TSC2: variants seen among roughly 807,000 people sequenced by gnomAD.
The protein encoded by TSC2 is TSC complex subunit 2, also known as tuberin.
A neutral mutation model predicts 202.2 loss-of-function variants in TSC2; 29 were observed. That is an observed-to-expected ratio of 0.14 (90% confidence interval 0.11 to 0.20). TSC2 has a LOEUF of 0.20. TSC2 is among the 10% of genes least tolerant of loss of function. The pLI, the probability that TSC2 is intolerant of heterozygous loss-of-function variation, is 1.00. For missense variants in TSC2, 2,429 were observed against 2,420.0 expected (o/e 1.00, Z -0.08); for synonymous variants, 1,349 against 1,044.0 (o/e 1.29, Z -5.63).
At chr16:2,054,022 A>T (rs986541832) in intron 4 of TSC2, 1 of 535,694 alleles carries the variant, frequency 1.9e-6, no homozygotes, top group African/African-American at 1.9e-5. Context: ...GGGGTCGGGC[A>T]GGAGCTGTGT....
chr16:2,062,106 G>C, intron 12 of TSC2, 98 bp downstream of exon 12: 1 of 1,548,622 alleles, frequency 6.5e-7, no homozygotes, highest in East Asian at 2.3e-5. Context: ...GAAGCCAAGG[G>C]CCAGGTGGGC....
chr16:2,083,676 C>T lies in TSC2; in HGVS notation c.3884-19C>T. 1 of 1,568,726 alleles carries T rather than the reference C, an allele frequency of 6.4e-7. No individual in the cohort carries two copies. The highest frequency in any genetic ancestry group is 1.3e-5 in the African/African-American group (1 of 74,330). ...CTGGCCCAGCCCCACATCCAGCAGC[C>T]CCGTCTGTGTCCTCCCAGACTCCGC... On this transcript the variant is annotated intron_variant, in intron 32 of 41. Transcript: ENST00000219476.
intron 11 of TSC2, 191 bp from the exon 12 acceptor site, chr16:2,061,680 G>C: frequency 1.1e-6 from 1 of 896,854 alleles, no homozygotes. Context: ...CCCTGGAGAG[G>C]ATCTGGGGGT....
chr16:2,054,770 C>A, intron 5 of TSC2: 1 of 436,254 alleles, frequency 2.3e-6, no homozygotes. Flanking sequence ...CCGGAGCGTA[C>A]TGGTCCCGTC....
chr16:2,050,563 T>C, intron 3 of TSC2, 77 bp downstream of exon 3: 1 of 1,210,236 alleles, frequency 8.3e-7, no homozygotes, highest in Non-Finnish European at 1.2e-6. Flanking sequence ...TTTAGGAACA[T>C]GGTTGACAGC....
Position 2,088,898 on chromosome 16 carries a change from C to G in TSC2, c.*288C>G, listed in dbSNP as rs994676166. ...GCGCGCGCGCACACACACACACACA[C>G]AGTCACCTTCCTCCACCCTGGGAGC... On this transcript the variant is annotated 3_prime_UTR_variant, in exon 42 of 42. Coordinates refer to ENST00000219476, the MANE Select transcript of TSC2 (RefSeq NM_000548.5). 2.8e-5 allele frequency: 12 copies of G among 431,474 alleles called. No individual in the cohort carries two copies. The highest frequency in any genetic ancestry group is 4.7e-5 in the Non-Finnish European group (11 of 235,006). The allele number at this position is 431,474 out of a possible 1,614,324, so 26.7% of individuals were successfully genotyped here.
Position 2,048,768 on chromosome 16 carries a change from T to A in TSC2, c.138+15T>A, listed in dbSNP as rs1168013718. 2 of 1,613,816 alleles carry A rather than the reference T, an allele frequency of 1.2e-6. No homozygotes were observed. The highest frequency in any genetic ancestry group is 1.7e-6 in the Non-Finnish European group (2 of 1,179,968). On this transcript the variant is annotated intron_variant, in intron 2 of 41. Coordinates refer to ENST00000219476, the MANE Select transcript of TSC2 (RefSeq NM_000548.5). ...AAATACTGAGAGTGAGTGAGCTACC[T>A]GTGTCTTTGCTAGGCTAGAGGGAAA...
At position 2,086,282 on chromosome 16, in the gene TSC2, G is replaced by A. The variant is rs1555516171; in HGVS notation, c.4752G>A (p.Leu1584=). ...CGGGCCTGGGCCGGCTCATCGAGCT[G>A]AAGGACTGCCAGCCGGACAAGGTGT... ...FLTGLGRLIE[L]KDCQPDKVYL... is the part of the protein sequence containing the mutation. Residue 1584 remains leucine (L), a synonymous_variant, in exon 37 of 42, where the codon CTG becomes CTA. Coordinates refer to ENST00000219476, the MANE Select transcript of TSC2 (RefSeq NM_000548.5). 6.2e-7 allele frequency: 1 copy of A among 1,612,908 alleles called. No individual in the cohort carries two copies. The highest frequency in any genetic ancestry group is 8.5e-7 in the Non-Finnish European group (1 of 1,179,970).
rs886038357 is a variant in TSC2, at chr16:2,088,241, G to A, written c.5175G>A (p.Val1725=). Residue 1725 remains valine, a synonymous_variant, in exon 41 of 42, where the codon GTG becomes GTA. Transcript: ENST00000219476. ...TACGTCCCCAGATGGCCTCACAGGTGCATCATAGCCGCTCCAACCCCACCG... is the reference window on the plus strand; with the variant it reads ...TACGTCCCCAGATGGCCTCACAGGTACATCATAGCCGCTCCAACCCCACCG... ...MALHANMASQ[V]HHSRSNPTDI... 3.7e-6 allele frequency: 6 copies of A among 1,611,074 alleles called. No individual in the cohort carries two copies. In the Admixed American group the frequency reaches 5.0e-5, roughly 13 times the overall value.
At chr16:2,067,783 A>G (rs2087606397) in intron 16 of TSC2, among the ~76,000 whole-genome samples, 1 of 152,102 alleles carries the variant, frequency 6.6e-6, no homozygotes, top group Non-Finnish European at 1.5e-5. Context: ...AAACAAAACA[A>G]AGCAAAAACA....
intron 6 of TSC2, 111 bp downstream of exon 6, chr16:2,055,630 C>A (rs545572954): frequency 1.9e-6 from 2 of 1,042,072 alleles, no homozygotes; most frequent in East Asian, 2.4e-5. Context: ...CAATGGCTCA[C>A]GCCTGTAATC....
intron 13 of TSC2, 22 bp from the exon 14 acceptor site, chr16:2,062,950 C>A: frequency 6.5e-7 from 1 of 1,548,120 alleles, no homozygotes; most frequent in Non-Finnish European, 8.7e-7. Context: ...CCCACCCGCC[C>A]CAGCAGGCTG....
At chr16:2,058,148 C>T (rs1327649706) in intron 9 of TSC2, among the ~76,000 whole-genome samples, 5 of 151,418 alleles carry the variant, frequency 3.3e-5, no homozygotes, top group Admixed American at 3.3e-4. Flanking sequence ...TCCCTCCCTC[C>T]TCCCGTAGAA....
intron 4 of TSC2, 165 bp downstream of exon 4, chr16:2,053,617 T>G (rs1452429790): frequency 4.1e-6 from 3 of 731,748 alleles, no homozygotes; most frequent in South Asian, 3.0e-5. Flanking sequence ...CCTGGTGTCA[T>G]GAGGTCTGTG....
chr16:2,072,972 A>G lies in TSC2; in HGVS notation c.2344A>G (p.Lys782Glu). Reference protein sequence around the residue: ...ALISYHNYLDKTKQREMVYCL... With the variant: ...ALISYHNYLDETKQREMVYCL... ...AATCTCTTACCATAACTACCTGGAC[A>G]AAACCAAACAGGTAGGAGGTCAGAG... The change falls in exon 21 of 42, where the codon AAA becomes GAA. Residue 782 changes from lysine (K) to glutamate (E), a missense_variant. By Grantham distance (56) the Lys-to-Glu change is moderately conservative (BLOSUM62 1). Coordinates refer to ENST00000219476, the MANE Select transcript of TSC2 (RefSeq NM_000548.5). 1 of 1,613,538 alleles carries G rather than the reference A, an allele frequency of 6.2e-7. No individual in the cohort carries two copies. The highest frequency in any genetic ancestry group is 8.5e-7 in the Non-Finnish European group (1 of 1,180,036).
chr16:2,085,485 T>A (rs1039117444), intron 36 of TSC2, among the ~76,000 whole-genome samples, 163 bp downstream of exon 36: 9 of 152,136 alleles, frequency 5.9e-5, no homozygotes, highest in Non-Finnish European at 1.2e-4. Flanking sequence ...CTGCTCTGAG[T>A]GCTGGGGACC....
intron 9 of TSC2, 117 bp downstream of exon 9, chr16:2,057,295 GTT>G: frequency 8.0e-7 from 1 of 1,242,864 alleles, no homozygotes; most frequent in Non-Finnish European, 1.1e-6. Flanking sequence ...TCGGGCAGCT[GTT>G]CCAGAGGCTG....
intron 34 of TSC2, 83 bp from the exon 35 acceptor site, chr16:2,084,868 C>A: frequency 6.2e-7 from 1 of 1,603,138 alleles, no homozygotes; most frequent in Non-Finnish European, 8.5e-7. Context: ...TGGGAGATGG[C>A]CAGGCTCTGT....
chr16:2,066,623 C>T (rs1031667145), intron 16 of TSC2, among the ~76,000 whole-genome samples: 1 of 149,400 alleles, frequency 6.7e-6, no homozygotes, highest in Non-Finnish European at 1.5e-5. Context: ...TCCATCCACT[C>T]GAGCAGCATG....
Sources: gnomAD v4.1 joint callset for allele counts (sites outside exome capture counted in the v4.1 genomes callset) on GRCh38, gnomAD v4.1.1 for gene constraint, MANE v1.5 for transcripts, NCBI Gene and HGNC (gene_info 2026-07-23, HGNC 2026-07-21) for gene names.